Variants in ASCC3 observed in about 807,000 individuals in gnomAD.
The protein encoded by ASCC3 is activating signal cointegrator 1 complex subunit 3.
Under a neutral mutation model 256.3 loss-of-function variants are expected in ASCC3, and 158 were observed. That is an observed-to-expected ratio of 0.62 (90% CI 0.54 to 0.70). The LOEUF is 0.70. ASCC3 is among the 30% of genes least tolerant of loss of function. The probability of loss-of-function intolerance (pLI) is 0.00; values close to 1 mark genes in which losing one functional copy is unlikely to be tolerated. For synonymous variants in ASCC3, 948 were observed against 883.4 expected, an observed-to-expected ratio of 1.07 and a Z score of -1.30; for missense variants, 2,259 against 2,626.0, an observed-to-expected ratio of 0.86 and a Z score of 3.05.
intron 10 of ASCC3, among the ~76,000 whole-genome samples, chr6:100,741,687 G>A (rs148462332): frequency 7.2e-4 from 110 of 152,260 alleles, no homozygotes; most frequent in African/African-American, 2.6e-3. Flanking sequence ...ACTGATACTT[G>A]TGAGTGTATT....
chr6:100,576,919 A>G (rs114530276), intron 36 of ASCC3, among the ~76,000 whole-genome samples: 2,490 of 152,002 alleles, frequency 0.016, 58 homozygotes, highest in African/African-American at 0.057. Flanking sequence ...AGAAAAAAAA[A>G]ATGAGTGGAA....
At chr6:100,748,847 A>G (rs1780804399) in intron 10 of ASCC3, among the ~76,000 whole-genome samples, 1 of 151,956 alleles carries the variant, frequency 6.6e-6, no homozygotes. Context: ...GAAGTGGATA[A>G]CCCATAGACC....
intron 4 of ASCC3, among the ~76,000 whole-genome samples, chr6:100,823,728 A>G (rs1305292830): frequency 1.3e-5 from 2 of 152,216 alleles, no homozygotes; most frequent in Non-Finnish European, 2.9e-5. Flanking sequence ...GAGATGCCAA[A>G]AAAATTATTT....
chr6:100,622,313 G>T (rs575633380), intron 30 of ASCC3, among the ~76,000 whole-genome samples: 2 of 152,060 alleles, frequency 1.3e-5, no homozygotes, highest in African/African-American at 4.8e-5. Flanking sequence ...CCGTTTCCCC[G>T]ATGCTGTTGT....
intron 36 of ASCC3, among the ~76,000 whole-genome samples, chr6:100,573,106 T>A (rs1409925466): frequency 6.6e-6 from 1 of 152,132 alleles, no homozygotes; most frequent in South Asian, 2.1e-4. Flanking sequence ...TTGGATTGAA[T>A]GTTGGCATGC....
At chr6:100,562,501 A>G (rs900717547) in intron 36 of ASCC3, among the ~76,000 whole-genome samples, 2 of 152,228 alleles carry the variant, frequency 1.3e-5, no homozygotes, top group Middle Eastern at 3.4e-3. Context: ...TAAGTGATCT[A>G]TTGTTTGACA....
intron 8 of ASCC3, among the ~76,000 whole-genome samples, chr6:100,790,661 A>T (rs956970058): frequency 1.3e-5 from 2 of 151,962 alleles, no homozygotes; most frequent in African/African-American, 4.8e-5. Flanking sequence ...TTCTGAATTC[A>T]TTCAAGTTGA....
chr6:100,678,083 T>A (rs1777118423), intron 14 of ASCC3, among the ~76,000 whole-genome samples: 1 of 152,070 alleles, frequency 6.6e-6, no homozygotes. Context: ...ATTGAATGAG[T>A]TACATAAAGT....
intron 25 of ASCC3, among the ~76,000 whole-genome samples, chr6:100,636,170 T>A (rs1473162312): frequency 1.3e-5 from 2 of 152,184 alleles, no homozygotes; most frequent in African/African-American, 2.4e-5. Flanking sequence ...CAACCCCACA[T>A]CGAGCAATTC....
At chr6:100,608,462 C>CTTTATATATATAT (rs1773136290) in intron 30 of ASCC3, among the ~76,000 whole-genome samples, 1 of 14,206 alleles carries the variant, frequency 7.0e-5, no homozygotes, top group Non-Finnish European at 1.2e-4. Flanking sequence ...TATATATATA[C>CTTTATATATATAT]TTTATATATA....
At chr6:100,750,314 A>G (rs1390418689) in intron 10 of ASCC3, among the ~76,000 whole-genome samples, 8 of 152,074 alleles carry the variant, frequency 5.3e-5, no homozygotes, top group African/African-American at 1.9e-4. Flanking sequence ...AATATCAGAA[A>G]ATATCACAGA....
chr6:100,820,268 G>A (rs1433277327), intron 4 of ASCC3, among the ~76,000 whole-genome samples: 1 of 145,200 alleles, frequency 6.9e-6, no homozygotes, highest in Non-Finnish European at 1.5e-5. Context: ...GTAATTAAAA[G>A]AGTGTAGTAC....
chr6:100,669,951 T>C (rs1048782746), intron 14 of ASCC3, among the ~76,000 whole-genome samples: 2 of 151,936 alleles, frequency 1.3e-5, no homozygotes, highest in African/African-American at 2.4e-5. Context: ...ATGGCTTTTA[T>C]ATGCAACACA....
chr6:100,584,840 T>C (rs1267712557), intron 36 of ASCC3, among the ~76,000 whole-genome samples: 1 of 152,196 alleles, frequency 6.6e-6, no homozygotes, highest in African/African-American at 2.4e-5. Context: ...CCTTCAGTTA[T>C]GAAGCTTAGT....
intron 12 of ASCC3, among the ~76,000 whole-genome samples, chr6:100,717,770 T>C (rs1299871542): frequency 3.3e-5 from 5 of 152,066 alleles, no homozygotes; most frequent in African/African-American, 1.2e-4. Context: ...CTTCAATCAT[T>C]TCACGTCAAA....
chr6:100,689,383 T>C (rs1777730809), intron 13 of ASCC3, among the ~76,000 whole-genome samples: 1 of 152,186 alleles, frequency 6.6e-6, no homozygotes, highest in African/African-American at 2.4e-5. Context: ...GCTCAGACCA[T>C]TTTAATAATT....
intron 36 of ASCC3, among the ~76,000 whole-genome samples, chr6:100,567,243 A>G (rs1268640721): frequency 6.6e-6 from 1 of 152,098 alleles, no homozygotes; most frequent in Non-Finnish European, 1.5e-5. Flanking sequence ...TTTACTATGC[A>G]TATCTATGCA....
At chr6:100,561,024 A>T (rs1769916214) in intron 36 of ASCC3, among the ~76,000 whole-genome samples, 1 of 151,980 alleles carries the variant, frequency 6.6e-6, no homozygotes, top group African/African-American at 2.4e-5. Context: ...CAAATTCTCA[A>T]ATATAGCAAC....
chr6:100,524,543 G>A (rs1774466762), intron 37 of ASCC3, among the ~76,000 whole-genome samples: 1 of 151,970 alleles, frequency 6.6e-6, no homozygotes, highest in African/African-American at 2.4e-5. Context: ...TCTACTAAAC[G>A]AAAATCCGTA....
Sources: allele counts gnomAD v4.1 joint callset (sites outside exome capture counted in the v4.1 genomes callset), GRCh38; gene constraint gnomAD v4.1.1; transcripts MANE v1.5; gene names NCBI Gene and HGNC (gene_info 2026-07-23, HGNC 2026-07-21).